The following TLE5 variants were observed in gnomAD, a reference collection of about 807,000 sequenced individuals.
TLE5 encodes the protein TLE family member 5.
In TLE5, 7 loss-of-function variants were observed where a neutral mutation model predicts 25.8. That is an observed-to-expected ratio of 0.27 (90% CI 0.15 to 0.51). TLE5 has a LOEUF of 0.51. TLE5 is among the 20% of genes least tolerant of loss of function. The probability of loss-of-function intolerance (pLI) is 0.97; values close to 1 mark genes in which losing one functional copy is unlikely to be tolerated. For missense variants in TLE5, 149 were observed against 250.7 expected, an observed-to-expected ratio of 0.59 and a Z score of 2.74; for synonymous variants, 132 against 110.5, an observed-to-expected ratio of 1.20 and a Z score of -1.22.
At position 3,053,915 on chromosome 19, in the gene TLE5, C is replaced by T; in HGVS notation, c.498G>A (p.Leu166=). Reference sequence around the variant, plus strand: ...GGTGGGCCTGGGAACCCAGCGCGGACAGCGAGAGGAGGCCGGTGCCTGCGC... The same window carrying T: ...GGTGGGCCTGGGAACCCAGCGCGGATAGCGAGAGGAGGCCGGTGCCTGCGC... ...AVSAGTGLLS[L]SALGSQAHLS... The change falls in exon 7 of 7, where the codon CTG becomes CTA. Residue 166 remains leucine (L), a synonymous_variant. Transcript: ENST00000327141. 1 of 1,613,072 alleles carries T rather than the reference C, an allele frequency of 6.2e-7. No homozygotes were observed. The highest frequency in any genetic ancestry group is 2.2e-5 in the East Asian group (1 of 44,862).
intron 3 of TLE5, chr19:3,056,714 G>C: frequency 2.4e-6 from 1 of 410,770 alleles, no homozygotes; most frequent in Non-Finnish European, 4.8e-6. Flanking sequence ...TCTGCGGGTG[G>C]GCCCAGACGC....
rs1599268954 is a variant in TLE5 at position 3,055,769 on chromosome 19, G to A, written c.235-43C>T. On this transcript the variant is annotated intron_variant, in intron 4 of 6. Coordinates refer to ENST00000327141, the MANE Select transcript of TLE5 (RefSeq NM_001130.6). ...AGCCGGCTTCAGTCCTGGGCGGGTGGCAGGTGCAGGCTAGCCACAGGAGGC... is the reference window on the plus strand; with the variant it reads ...AGCCGGCTTCAGTCCTGGGCGGGTGACAGGTGCAGGCTAGCCACAGGAGGC... The A allele has an allele frequency of 7.0e-6, 11 of 1,562,214 alleles. No individual in the cohort carries two copies. In the East Asian group the frequency reaches 2.5e-4, roughly 36 times the overall value.
chr19:3,059,372 AT>A, intron 2 of TLE5, among the ~76,000 whole-genome samples: 1 of 151,926 alleles, frequency 6.6e-6, no homozygotes, highest in Non-Finnish European at 1.5e-5. Flanking sequence ...AAATACAAAA[AT>A]TAGCCGGGTG....
At chr19:3,055,462 C>A (rs553030870) in intron 5 of TLE5, 34 of 400,758 alleles carry the variant, frequency 8.5e-5, no homozygotes, top group Non-Finnish European at 1.4e-4. Flanking sequence ...GCCCGCCCCC[C>A]ACACGCCTGC....
chr19:3,062,458 C>T lies in TLE5; in HGVS notation c.-258G>A, dbSNP rs2090280509. The T allele has an allele frequency of 1.5e-6, 1 of 678,164 alleles. No individual in the cohort carries two copies. Among genetic ancestry groups the T allele is most frequent in the African/African-American group, 2.0e-5 (1 of 50,760 alleles). The allele number at this position is 678,164 out of a possible 1,614,324, so 42.0% of individuals were successfully genotyped here. A position where few individuals can be genotyped will look rare whatever the true frequency, so the allele number is the denominator to read the frequency against. On this transcript the variant is annotated 5_prime_UTR_variant, in exon 1 of 7. Transcript: ENST00000327141. ...CGCCGCCCGCCTCCCCGCTCCCCGG[C>T]CCCACCGCTATTGTCTAATGGCGGC...
Position 3,056,300 on chromosome 19 carries a change from AGATGGGC to A in TLE5, c.234+5_234+11del. ...GAGGAGGAGGAGGAGGAGGAGGAGGAGATGGGCGTACCTGTTTGTGCATCTCGATGTT... is the reference window on the plus strand; with the variant it reads ...GAGGAGGAGGAGGAGGAGGAGGAGGAGTACCTGTTTGTGCATCTCGATGTT... On this transcript the variant is annotated splice_donor_5th_base_variant and intron_variant, in intron 4 of 6. Transcript: ENST00000327141. 1.4e-6 allele frequency: 2 copies of A among 1,454,090 alleles called. No individual in the cohort carries two copies. Among genetic ancestry groups the A allele is most frequent in the Non-Finnish European group, 1.8e-6 (2 of 1,093,856 alleles). 90.1% of individuals were successfully genotyped at this position (1,454,090 alleles called of 1,614,324 possible).
chr19:3,062,220 GCGGGCTGCGCCCCGGCTGT>G lies in TLE5; in HGVS notation c.-39_-21del. On this transcript the variant is annotated 5_prime_UTR_variant, in exon 1 of 7. Transcript: ENST00000327141. Reference sequence around the variant, plus strand: ...CATCATGTCAATCGCGGCGGGGGGCGCGGGCTGCGCCCCGGCTGTGCGCCCCGGCTCGGGCTGCTGGGGG... The same window carrying G: ...CATCATGTCAATCGCGGCGGGGGGCGGCGCCCCGGCTCGGGCTGCTGGGGG... 1 of 1,121,800 alleles carries G rather than the reference GCGGGCTGCGCCCCGGCTGT, an allele frequency of 8.9e-7. No individual in the cohort carries two copies. Among genetic ancestry groups the G allele is most frequent in the South Asian group, 4.3e-5 (1 of 23,378 alleles). The allele number at this position is 1,121,800 out of a possible 1,614,324, so 69.5% of individuals were successfully genotyped here.
upstream of TLE5, chr19:3,062,635 G>A: frequency 8.4e-7 from 1 of 1,185,778 alleles, no homozygotes; most frequent in Non-Finnish European, 1.0e-6. Context: ...TGGCCCGCCC[G>A]CCGCGGTGAC....
At chr19:3,054,320 T>C (rs2090200120) in intron 5 of TLE5, 126 bp from the exon 6 acceptor site, 1 of 897,336 alleles carries the variant, frequency 1.1e-6, no homozygotes, top group African/African-American at 1.7e-5. Flanking sequence ...CTCCTCCCAG[T>C]GGTTTTCAAC....
intron 4 of TLE5, 141 bp from the exon 5 acceptor site, chr19:3,055,867 G>T: frequency 1.1e-6 from 1 of 890,794 alleles, no homozygotes; most frequent in Non-Finnish European, 1.7e-6. Flanking sequence ...GGTGGGATGA[G>T]CAAAGCCGTG....
chr19:3,058,392 G>A (rs1013641897), intron 2 of TLE5, among the ~76,000 whole-genome samples: 1 of 152,126 alleles, frequency 6.6e-6, no homozygotes, highest in Non-Finnish European at 1.5e-5. Context: ...CCAAGCAGCA[G>A]CCCAAGCTCT....
chr19:3,054,935 TAC>T (rs1015841158), intron 5 of TLE5: 2 of 152,308 alleles, frequency 1.3e-5, no homozygotes, highest in Non-Finnish European at 2.9e-5. Flanking sequence ...AAGAGGAAGT[TAC>T]AAACTTTTGA....
At chr19:3,056,118 GAA>G (rs1038328858) in intron 4 of TLE5, 192 bp downstream of exon 4, 1 of 502,596 alleles carries the variant, frequency 2.0e-6, no homozygotes, top group Non-Finnish European at 3.5e-6. Flanking sequence ...AGGGAGGCCT[GAA>G]AAAGAGGCGG....
At position 3,058,300 on chromosome 19, in the gene TLE5, C is replaced by G. The variant is rs919709416; in HGVS notation, c.126-558G>C. Among the ~76,000 whole-genome samples the G allele has an allele frequency of 2.0e-5, 3 of 152,126 alleles. No individual in the cohort carries two copies. The East Asian group carries it at 5.8e-4, about 29-fold the overall frequency. ...CACCTCTCACGGTCCCGACGAGGCCCGCAACGTCATTGTCACGCTCCTTTT... is the reference window on the plus strand; with the variant it reads ...CACCTCTCACGGTCCCGACGAGGCCGGCAACGTCATTGTCACGCTCCTTTT... On this transcript the variant is annotated intron_variant, in intron 2 of 6. Transcript: ENST00000327141.
chr19:3,053,801 C>A lies in TLE5; in HGVS notation c.*18G>T. ...TCCCCTCTGTCCCCCCTCCCAACCTCCCTGTCCCGGCCCCCTGCTAATCCG... is the reference window on the plus strand; with the variant it reads ...TCCCCTCTGTCCCCCCTCCCAACCTACCTGTCCCGGCCCCCTGCTAATCCG... On this transcript the variant is annotated 3_prime_UTR_variant, in exon 7 of 7. Coordinates refer to ENST00000327141, the MANE Select transcript of TLE5 (RefSeq NM_001130.6). The A allele has an allele frequency of 1.2e-6, 2 of 1,609,380 alleles. No individual in the cohort carries two copies. Among genetic ancestry groups the A allele is most frequent in the Non-Finnish European group, 8.5e-7 (1 of 1,177,134 alleles).
Position 3,053,816 on chromosome 19 carries a change from C to A in TLE5, c.*3G>T. On this transcript the variant is annotated 3_prime_UTR_variant, in exon 7 of 7. Coordinates refer to ENST00000327141, the MANE Select transcript of TLE5 (RefSeq NM_001130.6). ...CTCCCAACCTCCCTGTCCCGGCCCC[C>A]TGCTAATCCGACTTCTCGCCATCAT... The A allele has an allele frequency of 6.2e-7, 1 of 1,613,034 alleles. No homozygotes were observed. The highest frequency in any genetic ancestry group is 8.5e-7 in the Non-Finnish European group (1 of 1,179,966).
intron 3 of TLE5, 146 bp downstream of exon 3, chr19:3,057,533 G>T: frequency 1.3e-6 from 1 of 763,784 alleles, no homozygotes; most frequent in Non-Finnish European, 2.2e-6. Flanking sequence ...CCCAGCAGGG[G>T]CCGGCTGAAT....
At chr19:3,058,225 G>A (rs1165689074) in intron 2 of TLE5, among the ~76,000 whole-genome samples, 2 of 152,124 alleles carry the variant, frequency 1.3e-5, no homozygotes, top group African/African-American at 2.4e-5. Context: ...AGGAACAACA[G>A]AAGTTAGAGG....
rs2090187915 is a variant in TLE5 at position 3,053,125 on chromosome 19, A to G, written c.*694T>C. On this transcript the variant is annotated 3_prime_UTR_variant, in exon 7 of 7. Transcript: ENST00000327141. ...AGACAAGCTAGTATACTGGAAAAAGAAAAAAATAATAATAAAATAAAAACC... is the reference window on the plus strand; with the variant it reads ...AGACAAGCTAGTATACTGGAAAAAGGAAAAAATAATAATAAAATAAAAACC... 2.0e-5 allele frequency: 3 copies of G among 151,896 alleles called. No individual in the cohort carries two copies. Among genetic ancestry groups the G allele is most frequent in the Admixed American group, 1.3e-4 (2 of 15,252 alleles). 9.4% of individuals were successfully genotyped at this position (151,896 alleles called of 1,614,324 possible). A position where few individuals can be genotyped will look rare whatever the true frequency, so the allele number is the denominator to read the frequency against.
Sources: gnomAD v4.1 joint callset for allele counts (sites outside exome capture counted in the v4.1 genomes callset) on GRCh38, gnomAD v4.1.1 for gene constraint, MANE v1.5 for transcripts, NCBI Gene and HGNC (gene_info 2026-07-23, HGNC 2026-07-21) for gene names.